The following PLCE1 variants were observed in gnomAD, a reference collection of about 807,000 sequenced individuals.
PLCE1 encodes the protein 1-phosphatidylinositol 4,5-bisphosphate phosphodiesterase epsilon-1.
PLCE1 carries 119 observed loss-of-function variants against 242.8 expected under a neutral mutation model. That is an observed-to-expected ratio of 0.49 (90% confidence interval 0.42 to 0.57). PLCE1 has a LOEUF of 0.57. Ranked by LOEUF, PLCE1 falls within the 20% of genes least tolerant of loss-of-function variation. The pLI is 0.00. For synonymous variants in PLCE1, 945 were observed against 1,017.4 expected, an observed-to-expected ratio of 0.93 and a Z score of 1.35; for missense variants, 2,441 against 2,788.8, an observed-to-expected ratio of 0.88 and a Z score of 2.81.
At chr10:94,012,740 C>A (rs577516129) in intron 1 of PLCE1, among the ~76,000 whole-genome samples, 9 of 152,278 alleles carry the variant, frequency 5.9e-5, no homozygotes, top group African/African-American at 2.2e-4. Context: ...CTTTTCACAA[C>A]ATAGATACTC....
intron 20 of PLCE1, chr10:94,283,503 A>G (rs922729711): frequency 5.8e-5 from 20 of 347,230 alleles, no homozygotes; most frequent in African/African-American, 3.8e-4. Context: ...GAAAATTGGC[A>G]TCTTCATTTA....
At chr10:94,170,069 C>T (rs951145131) in intron 3 of PLCE1, among the ~76,000 whole-genome samples, 5 of 152,052 alleles carry the variant, frequency 3.3e-5, no homozygotes, top group Admixed American at 2.0e-4. Context: ...GTGATAATTC[C>T]AAAGTTTTCT....
chr10:94,095,350 A>G (rs565297747), intron 2 of PLCE1, among the ~76,000 whole-genome samples: 2 of 150,512 alleles, frequency 1.3e-5, no homozygotes, highest in African/African-American at 4.9e-5. Context: ...CTTTCTTTCA[A>G]TTGTTTTGCT....
chr10:94,237,433 C>T (rs12248509), intron 7 of PLCE1, among the ~76,000 whole-genome samples: 13,370 of 152,156 alleles, frequency 0.088, 853 homozygotes, highest in African/African-American at 0.18. Flanking sequence ...CATTTTCACC[C>T]GTTATGAAAT....
At chr10:94,195,083 A>G (rs2136667250) in intron 4 of PLCE1, among the ~76,000 whole-genome samples, 1 of 152,132 alleles carries the variant, frequency 6.6e-6, no homozygotes, top group South Asian at 2.1e-4. Context: ...TTTTCTCAAC[A>G]CTCTTTGGCC....
intron 7 of PLCE1, among the ~76,000 whole-genome samples, chr10:94,237,028 A>G (rs1470683897): frequency 3.3e-5 from 5 of 152,236 alleles, no homozygotes; most frequent in African/African-American, 1.2e-4. Flanking sequence ...CAGTGACTAA[A>G]TTTTGTTCTG....
At chr10:94,102,274 A>G (rs1291055045) in intron 2 of PLCE1, among the ~76,000 whole-genome samples, 1 of 152,162 alleles carries the variant, frequency 6.6e-6, no homozygotes, top group East Asian at 1.9e-4. Flanking sequence ...TGAGCCTTCA[A>G]ACTAGTGAAT....
intron 4 of PLCE1, among the ~76,000 whole-genome samples, chr10:94,210,182 G>GTT (rs1240655453): frequency 7.1e-5 from 10 of 141,410 alleles, no homozygotes; most frequent in African/African-American, 2.3e-4. Context: ...TTTGAATGGT[G>GTT]TTTTTTTTTT....
intron 5 of PLCE1, among the ~76,000 whole-genome samples, chr10:94,229,516 C>T (rs1446130530): frequency 6.6e-6 from 1 of 152,162 alleles, no homozygotes; most frequent in Middle Eastern, 3.2e-3. Context: ...GCATGGATTC[C>T]TTGTGGGTGG....
chr10:94,187,369 C>A (rs546201830), intron 4 of PLCE1, among the ~76,000 whole-genome samples: 60 of 152,148 alleles, frequency 3.9e-4, no homozygotes, highest in Non-Finnish European at 8.4e-4. Context: ...AAAAACAGTG[C>A]CCCATCATCT....
In PLCE1 at chr10:94,039,553, T is replaced by G. The variant is rs60305906; in HGVS notation, c.1206+7301T>G. ...GGTGCGTGCCACTATGCCCAGCTAATTTTTATATTTTTAGTAGAGACAGGG... is the reference window on the plus strand; with the variant it reads ...GGTGCGTGCCACTATGCCCAGCTAAGTTTTATATTTTTAGTAGAGACAGGG... On this transcript the variant is annotated intron_variant, in intron 2 of 32. Transcript: ENST00000371380. Among the ~76,000 whole-genome samples, 983 of 152,114 alleles carry G rather than the reference T, an allele frequency of 6.5e-3. 13 individuals carry two copies. The highest frequency in any genetic ancestry group is 0.022 in the African/African-American group (922 of 41,484).
intron 2 of PLCE1, among the ~76,000 whole-genome samples, chr10:94,085,067 A>G (rs1274261741): frequency 6.6e-6 from 1 of 152,244 alleles, no homozygotes; most frequent in Non-Finnish European, 1.5e-5. Flanking sequence ...CAACAATAAC[A>G]AATAAAATGT....
In PLCE1 at chr10:94,256,154, C is replaced by G. The variant is rs1236400503; in HGVS notation, c.3554+1105C>G. Among the ~76,000 whole-genome samples, 5 of 151,602 alleles carry G rather than the reference C, an allele frequency of 3.3e-5. No homozygotes were observed. The East Asian group carries it at 9.7e-4, about 29-fold the overall frequency. Reference sequence around the variant, plus strand: ...CCAGCCTGAGCAACAGAAACCCCATCTCTACAAAAAGTAAAACAATTAGCG... The same window carrying G: ...CCAGCCTGAGCAACAGAAACCCCATGTCTACAAAAAGTAAAACAATTAGCG... On this transcript the variant is annotated intron_variant, in intron 11 of 32. Transcript: ENST00000371380.
chr10:94,208,457 A>G (rs2798002), intron 4 of PLCE1, among the ~76,000 whole-genome samples: 148,400 of 152,362 alleles, frequency 0.97, 72,292 homozygotes, highest in Middle Eastern at 0.99. Flanking sequence ...AGACAGAAGA[A>G]AACAAAATGC....
chr10:94,234,355 G>C, intron 6 of PLCE1, 43 bp downstream of exon 6: 1 of 1,602,826 alleles, frequency 6.2e-7, no homozygotes, highest in Non-Finnish European at 8.5e-7. Context: ...AGCCACTGTT[G>C]CTGGCTGTCT....
In PLCE1 at chr10:94,308,443, A is replaced by G. The variant is rs1358044261; in HGVS notation, c.5885-138A>G. Reference sequence around the variant, plus strand: ...AGGGGGCAGCACTCTCTTGGCGAAAAGACGCCTGTTGGTTGCATGCCTGTT... The same window carrying G: ...AGGGGGCAGCACTCTCTTGGCGAAAGGACGCCTGTTGGTTGCATGCCTGTT... On this transcript the variant is annotated intron_variant, in intron 26 of 32. Transcript: ENST00000371380. 7 of 766,902 alleles carry G rather than the reference A, an allele frequency of 9.1e-6. No individual in the cohort carries two copies. In the African/African-American group the frequency reaches 1.2e-4, roughly 13 times the overall value. The allele number at this position is 766,902 out of a possible 1,614,324, so 47.5% of individuals were successfully genotyped here. A position where few individuals can be genotyped will look rare whatever the true frequency, so the allele number is the denominator to read the frequency against.
chr10:94,237,279 A>C (rs1301103128), intron 7 of PLCE1, among the ~76,000 whole-genome samples: 1 of 152,160 alleles, frequency 6.6e-6, no homozygotes, highest in East Asian at 1.9e-4. Flanking sequence ...GAAGCTTTAC[A>C]ATGTGGCTTC....
At chr10:94,293,678 C>T in intron 23 of PLCE1, 39 bp downstream of exon 23, 11 of 1,606,320 alleles carry the variant, frequency 6.8e-6, no homozygotes, top group Non-Finnish European at 9.4e-6. Context: ...CTTGATTCTG[C>T]ATGCTGGATG....
At chr10:94,047,259 A>G (rs2043620577) in intron 2 of PLCE1, among the ~76,000 whole-genome samples, 1 of 152,172 alleles carries the variant, frequency 6.6e-6, no homozygotes, top group Non-Finnish European at 1.5e-5. Context: ...TATGAGTGGC[A>G]GGGTAATTTG....
Sources: gnomAD v4.1 joint callset for allele counts (sites outside exome capture counted in the v4.1 genomes callset) on GRCh38, gnomAD v4.1.1 for gene constraint, MANE v1.5 for transcripts, NCBI Gene and HGNC (gene_info 2026-07-23, HGNC 2026-07-21) for gene names.